RND3: variants seen among roughly 807,000 people sequenced by gnomAD.
RND3 encodes Rho family GTPase 3, also known as rho-related GTP-binding protein RhoE.
In RND3, 8 loss-of-function variants were observed where a neutral mutation model predicts 26.5. The observed-to-expected ratio is 0.30, with a 90% confidence interval of 0.18 to 0.54. The LOEUF (loss-of-function observed/expected upper bound fraction) is 0.54. RND3 is among the 20% of genes least tolerant of loss of function. The pLI, the probability that RND3 is intolerant of heterozygous loss-of-function variation, is 0.94. For missense variants in RND3, 207 were observed against 302.8 expected, an observed-to-expected ratio of 0.68 and a Z score of 2.35; for synonymous variants, 113 against 113.0, an observed-to-expected ratio of 1.00 and a Z score of 0.00.
intron 4 of RND3, among the ~76,000 whole-genome samples, chr2:150,474,200 C>T (rs192327003): frequency 1.3e-5 from 2 of 152,274 alleles, no homozygotes; most frequent in East Asian, 3.9e-4. Flanking sequence ...GGTCCTCTTC[C>T]TCTTGATCTC....
intron 3 of RND3, among the ~76,000 whole-genome samples, chr2:150,483,534 C>A (rs1295960202): frequency 6.6e-6 from 1 of 152,094 alleles, no homozygotes; most frequent in Non-Finnish European, 1.5e-5. Context: ...ATAAATGTAT[C>A]AAGAGGCATA....
At chr2:150,483,442 G>A (rs895874740) in intron 3 of RND3, among the ~76,000 whole-genome samples, 8 of 152,196 alleles carry the variant, frequency 5.3e-5, no homozygotes, top group East Asian at 1.9e-4. Context: ...GAAATAAAAA[G>A]TGCAATTTAT....
chr2:150,482,909 G>A (rs927492527), intron 3 of RND3, among the ~76,000 whole-genome samples: 1 of 152,124 alleles, frequency 6.6e-6, no homozygotes, highest in African/African-American at 2.4e-5. Flanking sequence ...TAAACCAGAA[G>A]AGCTTCTTTT....
At chr2:150,475,028 C>G in intron 3 of RND3, 44 bp from the exon 4 acceptor site, 1 of 1,249,036 alleles carries the variant, frequency 8.0e-7, no homozygotes, top group Non-Finnish European at 1.2e-6. Flanking sequence ...TGAGAGTCCC[C>G]TTGTCTGTCA....
intron 3 of RND3, among the ~76,000 whole-genome samples, chr2:150,477,930 A>G (rs934840480): frequency 6.6e-6 from 1 of 152,164 alleles, no homozygotes; most frequent in Non-Finnish European, 1.5e-5. Context: ...TTAGATCAAC[A>G]CGAGTGTCCA....
At chr2:150,485,414 C>T (rs999090293) in intron 3 of RND3, 1 of 152,318 alleles carries the variant, frequency 6.6e-6, no homozygotes, top group Non-Finnish European at 1.5e-5. Flanking sequence ...CACAGAAACA[C>T]CTCCACGAGG....
chr2:150,487,029 C>CT, intron 2 of RND3: 1 of 603,792 alleles, frequency 1.7e-6, no homozygotes, highest in Non-Finnish European at 2.9e-6. Flanking sequence ...CACACAGGAA[C>CT]GAACAAGTTT....
At chr2:150,483,143 C>T (rs1442569303) in intron 3 of RND3, among the ~76,000 whole-genome samples, 2 of 152,154 alleles carry the variant, frequency 1.3e-5, no homozygotes, top group African/African-American at 4.8e-5. Flanking sequence ...ACATATCCTA[C>T]TTTCACTTGG....
chr2:150,469,887 T>C lies in RND3; in HGVS notation c.*100A>G. Reference sequence around the variant, plus strand: ...TCAAACGCCTCCTAAGCCTCTGGTATACATGACTTTGGCTGTGCACTTCAT... The same window carrying C: ...TCAAACGCCTCCTAAGCCTCTGGTACACATGACTTTGGCTGTGCACTTCAT... On this transcript the variant is annotated 3_prime_UTR_variant, in exon 6 of 6. Transcript: ENST00000263895. 1 of 1,385,002 alleles carries C rather than the reference T, an allele frequency of 7.2e-7. No homozygotes were observed. Among genetic ancestry groups the C allele is most frequent in the South Asian group, 1.3e-5 (1 of 74,686 alleles). 85.8% of individuals were successfully genotyped at this position (1,385,002 alleles called of 1,614,324 possible).
intron 3 of RND3, among the ~76,000 whole-genome samples, chr2:150,482,567 G>T (rs368804288): frequency 6.6e-6 from 1 of 152,166 alleles, no homozygotes; most frequent in African/African-American, 2.4e-5. Context: ...AAATGAAGAA[G>T]TTATGGGCCT....
At position 150,486,679 on chromosome 2, in the gene RND3, T is replaced by A; in HGVS notation, c.238+15A>T. The A allele has an allele frequency of 6.3e-7, 1 of 1,584,954 alleles. No individual in the cohort carries two copies. The highest frequency in any genetic ancestry group is 8.7e-7 in the Non-Finnish European group (1 of 1,153,438). On this transcript the variant is annotated intron_variant, in intron 3 of 5. Coordinates refer to ENST00000263895, the MANE Select transcript of RND3 (RefSeq NM_005168.5). This position sits in a 1 kb window ranked among gnomAD's most constrained non-coding sequence, Gnocchi z 4.5. ...GAAACCCGCCCCAAGCGCCACGCGGTCCTCCCACTCTTACCCGAAGTGTCC... is the reference window on the plus strand; with the variant it reads ...GAAACCCGCCCCAAGCGCCACGCGGACCTCCCACTCTTACCCGAAGTGTCC...
chr2:150,469,439 C>T lies in RND3; in HGVS notation c.*548G>A, dbSNP rs904595888. On this transcript the variant is annotated 3_prime_UTR_variant, in exon 6 of 6. Coordinates refer to ENST00000263895, the MANE Select transcript of RND3 (RefSeq NM_005168.5). ...TTTCAAAGCCTCATAAAGTTTGCCT[C>T]TGGATATATCCCATGGGTCCTGATA... The T allele has an allele frequency of 1.3e-5, 2 of 153,210 alleles. No homozygotes were observed. The highest frequency in any genetic ancestry group is 4.8e-5 in the African/African-American group (2 of 41,438). The allele number at this position is 153,210 out of a possible 1,614,324, so 9.5% of individuals were successfully genotyped here.
At chr2:150,476,825 C>T (rs968143742) in intron 3 of RND3, among the ~76,000 whole-genome samples, 10 of 152,154 alleles carry the variant, frequency 6.6e-5, no homozygotes, top group East Asian at 1.9e-4. Context: ...TTTGAACATT[C>T]GAAAGGCATC....
chr2:150,473,864 A>G lies in RND3; in HGVS notation c.348+1011T>C, dbSNP rs899989130. Among the ~76,000 whole-genome samples, 4 of 152,234 alleles carry G rather than the reference A, an allele frequency of 2.6e-5. No homozygotes were observed. In the East Asian group the frequency reaches 7.7e-4, roughly 29 times the overall value. On this transcript the variant is annotated intron_variant, in intron 4 of 5. Coordinates refer to ENST00000263895, the MANE Select transcript of RND3 (RefSeq NM_005168.5). ...ACAAAACCAACCTAGCCACACCTGCATGTTTGTCTTTCTCAATCCATACCA... is the reference window on the plus strand; with the variant it reads ...ACAAAACCAACCTAGCCACACCTGCGTGTTTGTCTTTCTCAATCCATACCA...
intron 3 of RND3, among the ~76,000 whole-genome samples, chr2:150,480,457 T>C (rs1686252038): frequency 6.6e-6 from 1 of 152,206 alleles, no homozygotes; most frequent in Non-Finnish European, 1.5e-5. Flanking sequence ...CTAATTCATT[T>C]GGCAGAGCCC....
At chr2:150,473,385 G>T (rs1686116545) in intron 4 of RND3, among the ~76,000 whole-genome samples, 1 of 152,092 alleles carries the variant, frequency 6.6e-6, no homozygotes, top group Non-Finnish European at 1.5e-5. Flanking sequence ...ATTATGCATA[G>T]CCTGATACTA....
chr2:150,487,200 A>T, intron 2 of RND3, 68 bp downstream of exon 2: 3 of 988,872 alleles, frequency 3.0e-6, no homozygotes, highest in Non-Finnish European at 4.1e-6. Flanking sequence ...GAAAGCGGGG[A>T]GGCCCACCTC....
intron 2 of RND3, 162 bp downstream of exon 2, chr2:150,487,106 C>T: frequency 1.5e-6 from 1 of 657,886 alleles, no homozygotes; most frequent in Non-Finnish European, 2.5e-6. Context: ...CTTTCCCTTT[C>T]CCCGCAGTCT....
chr2:150,471,183 T>C lies in RND3; in HGVS notation c.483+444A>G, dbSNP rs145878327. Reference sequence around the variant, plus strand: ...ATGAACTCTCTTTAGAATCTGGTTGTAGGTTTTATGAGAATGAGCTTTTGA... The same window carrying C: ...ATGAACTCTCTTTAGAATCTGGTTGCAGGTTTTATGAGAATGAGCTTTTGA... On this transcript the variant is annotated intron_variant, in intron 5 of 5. Transcript: ENST00000263895. Among the ~76,000 whole-genome samples, 1,240 of 152,312 alleles carry C rather than the reference T, an allele frequency of 8.1e-3. 11 individuals carry two copies. The highest frequency in any genetic ancestry group is 0.028 in the African/African-American group (1,171 of 41,568).
Sources: allele counts gnomAD v4.1 joint callset (sites outside exome capture counted in the v4.1 genomes callset), GRCh38; gene constraint gnomAD v4.1.1; non-coding constraint Gnocchi (gnomAD v3.1); transcripts MANE v1.5; gene names NCBI Gene and HGNC (gene_info 2026-07-23, HGNC 2026-07-21).